Variants in ARHGEF12 observed in about 807,000 individuals in gnomAD.
The protein encoded by ARHGEF12 is KMT2A/ARHGEF12 fusion protein.
Under a neutral mutation model 211.2 loss-of-function variants are expected in ARHGEF12, and 66 were observed. The ratio of observed to expected loss-of-function variants is 0.31; its 90% CI spans 0.26 to 0.38. The LOEUF (loss-of-function observed/expected upper bound fraction) is 0.38, where lower values mean the gene tolerates loss of function less well. Ranked by LOEUF, ARHGEF12 falls within the 10% of genes least tolerant of loss-of-function variation. ARHGEF12 has a pLI of 1.00. For missense variants in ARHGEF12, 1,429 were observed against 1,869.5 expected, an observed-to-expected ratio of 0.76 and a Z score of 4.34; for synonymous variants, 592 against 638.4, an observed-to-expected ratio of 0.93 and a Z score of 1.09.
intron 6 of ARHGEF12, among the ~76,000 whole-genome samples, chr11:120,422,929 A>G (rs1205586910): frequency 6.6e-6 from 1 of 152,220 alleles, no homozygotes; most frequent in East Asian, 1.9e-4. Context: ...TCTTTAAATA[A>G]TTGACTAATT....
At chr11:120,345,441 C>T (rs776702806) in intron 1 of ARHGEF12, among the ~76,000 whole-genome samples, 2 of 152,130 alleles carry the variant, frequency 1.3e-5, no homozygotes, top group African/African-American at 2.4e-5. Flanking sequence ...TAGTGGCTCA[C>T]GCCTGTAATC....
intron 40 of ARHGEF12, 114 bp from the exon 41 acceptor site, chr11:120,484,953 A>G: frequency 1.8e-6 from 2 of 1,119,730 alleles, no homozygotes; most frequent in Non-Finnish European, 2.6e-6. Context: ...ATCTGCTTAC[A>G]TACTGATTCA....
chr11:120,366,601 C>T (rs1943427773), intron 1 of ARHGEF12, among the ~76,000 whole-genome samples: 1 of 152,156 alleles, frequency 6.6e-6, no homozygotes, highest in African/African-American at 2.4e-5. Flanking sequence ...TGGCTGTGAG[C>T]AACAGGTAAA....
chr11:120,456,751 T>G (rs1946374335), intron 22 of ARHGEF12, among the ~76,000 whole-genome samples: 1 of 152,180 alleles, frequency 6.6e-6, no homozygotes, highest in Non-Finnish European at 1.5e-5. Flanking sequence ...CCTAGCACTT[T>G]GGGTGGCCAA....
chr11:120,466,048 C>G (rs1946698519), intron 28 of ARHGEF12, among the ~76,000 whole-genome samples: 1 of 152,188 alleles, frequency 6.6e-6, no homozygotes, highest in Admixed American at 6.5e-5. Context: ...CAGACCATAT[C>G]TAGTCTGTTA....
In ARHGEF12 at chr11:120,420,725, CT is replaced by C. The variant is rs1464277259; in HGVS notation, c.200-26del. The C allele has an allele frequency of 5.1e-6, 8 of 1,578,774 alleles. No homozygotes were observed. In the African/African-American group the frequency reaches 1.1e-4, roughly 21 times the overall value. On this transcript the variant is annotated intron_variant, in intron 4 of 40. Coordinates refer to ENST00000397843, the MANE Select transcript of ARHGEF12 (RefSeq NM_015313.3). Reference sequence around the variant, plus strand: ...TTCCTTTCTCTGTTTTCTCTTCCTTCTTGTTTTACACTGTGGTTCTTGTGCA... The same window carrying C: ...TTCCTTTCTCTGTTTTCTCTTCCTTCTGTTTTACACTGTGGTTCTTGTGCA...
intron 1 of ARHGEF12, among the ~76,000 whole-genome samples, chr11:120,367,014 T>TA (rs368713737): frequency 2.1e-4 from 30 of 144,780 alleles, no homozygotes; most frequent in Middle Eastern, 3.6e-3. Context: ...AGACTCCATC[T>TA]AAAAAAAAAA....
intron 1 of ARHGEF12, among the ~76,000 whole-genome samples, chr11:120,368,366 CT>C (rs1378997273): frequency 6.6e-6 from 1 of 152,158 alleles, no homozygotes; most frequent in Non-Finnish European, 1.5e-5. Context: ...TGGTCTCAAA[CT>C]CCAGGCCTCA....
At chr11:120,414,748 G>C (rs770387259) in intron 4 of ARHGEF12, among the ~76,000 whole-genome samples, 9 of 152,020 alleles carry the variant, frequency 5.9e-5, no homozygotes, top group Non-Finnish European at 1.3e-4. Flanking sequence ...TTTGAAAAAC[G>C]TGTTTATTAT....
At chr11:120,460,589 A>G (rs1440535775) in intron 26 of ARHGEF12, 83 bp from the exon 27 acceptor site, 21 of 1,191,990 alleles carry the variant, frequency 1.8e-5, no homozygotes, top group Non-Finnish European at 2.0e-5. Flanking sequence ...TTTATAAAAA[A>G]AAAAAATTAG....
intron 1 of ARHGEF12, among the ~76,000 whole-genome samples, chr11:120,351,780 A>G (rs1942982989): frequency 6.6e-6 from 1 of 151,956 alleles, no homozygotes; most frequent in Non-Finnish European, 1.5e-5. Context: ...CGGATGTTAC[A>G]TTTATTGAGT....
intron 27 of ARHGEF12, chr11:120,463,206 A>G (rs964489899): frequency 1.3e-5 from 2 of 152,182 alleles, no homozygotes; most frequent in African/African-American, 2.4e-5. Context: ...GAAATCAAGG[A>G]ACATCTATAC....
intron 7 of ARHGEF12, among the ~76,000 whole-genome samples, chr11:120,425,047 G>A (rs898434512): frequency 6.6e-6 from 1 of 152,196 alleles, no homozygotes; most frequent in African/African-American, 2.4e-5. Context: ...AGCAGTGGGA[G>A]TCTGCAGCTA....
In ARHGEF12 at chr11:120,478,306, T is replaced by C; in HGVS notation, c.3683T>C (p.Val1228Ala). ...CATACAGATGGGACACTAAAGGAAG[T>C]TGGAGAAGATTATCAAATCGCAATC... is the stretch of plus-strand genomic sequence containing the variant. ...EQHTDGTLKEVGEDYQIAIPD... is the reference protein window; with the variant it reads ...EQHTDGTLKEAGEDYQIAIPD... The change falls in exon 37 of 41, where the codon GTT becomes GCT. Residue 1228 changes from valine to alanine, a missense_variant. Around this residue, in one of 7 missense-constraint regions of ARHGEF12, gnomAD observed 467 missense variants for 468.4 expected, o/e 1.00. Transcript: ENST00000397843. 11 of 1,614,084 alleles carry C rather than the reference T, an allele frequency of 6.8e-6. No homozygotes were observed. Among genetic ancestry groups the C allele is most frequent in the Admixed American group, 1.7e-5 (1 of 60,006 alleles).
Position 120,486,720 on chromosome 11 carries a change from T to C in ARHGEF12, c.*1643T>C, listed in dbSNP as rs1947407025. On this transcript the variant is annotated 3_prime_UTR_variant, in exon 41 of 41. Coordinates refer to ENST00000397843, the MANE Select transcript of ARHGEF12 (RefSeq NM_015313.3). Reference sequence around the variant, plus strand: ...CTTCCCTGCAGTCCAAAGATGATTTTTTCACCACAAATGGTAAGGGATGCC... The same window carrying C: ...CTTCCCTGCAGTCCAAAGATGATTTCTTCACCACAAATGGTAAGGGATGCC... 1.8e-5 allele frequency: 4 copies of C among 220,560 alleles called. No individual in the cohort carries two copies. 13.7% of individuals were successfully genotyped at this position (220,560 alleles called of 1,614,324 possible).
chr11:120,475,660 C>A (rs1336895340), intron 33 of ARHGEF12, among the ~76,000 whole-genome samples, 153 bp downstream of exon 33: 1 of 152,064 alleles, frequency 6.6e-6, no homozygotes, highest in East Asian at 1.9e-4. Flanking sequence ...AGAAAGAGAC[C>A]TAAGAGTTTA....
At chr11:120,431,669 G>C (rs1945538470) in intron 10 of ARHGEF12, 102 bp from the exon 11 acceptor site, 1 of 1,259,416 alleles carries the variant, frequency 7.9e-7, no homozygotes, top group Admixed American at 3.5e-5. Context: ...ACTTTTAGTA[G>C]TCTCCATGTA....
At chr11:120,363,714 G>C (rs1943342150) in intron 1 of ARHGEF12, among the ~76,000 whole-genome samples, 1 of 152,140 alleles carries the variant, frequency 6.6e-6, no homozygotes, top group Non-Finnish European at 1.5e-5. Context: ...ACCTTCTCCA[G>C]CTTCATGTCT....
In ARHGEF12 at chr11:120,431,922, A is replaced by G. The variant is rs1945553571; in HGVS notation, c.924+11A>G. ...AGTGACAATGCAGATGTAAGCTTTC[A>G]GTTTTCTAAATCTTTTTTCTTCTGT... is the stretch of plus-strand genomic sequence containing the variant. On this transcript the variant is annotated intron_variant, in intron 11 of 40. Transcript: ENST00000397843. 1 of 1,569,910 alleles carries G rather than the reference A, an allele frequency of 6.4e-7. No homozygotes were observed.
Sources: gnomAD v4.1 joint callset for allele counts (sites outside exome capture counted in the v4.1 genomes callset) on GRCh38, gnomAD v4.1.1 for gene constraint, gnomAD v4.1.1 regional missense constraint, MANE v1.5 for transcripts, NCBI Gene and HGNC (gene_info 2026-07-23, HGNC 2026-07-21) for gene names.